ARL9: variants seen among roughly 807,000 people sequenced by gnomAD.
ARL9 encodes the protein ADP-ribosylation factor-like protein 9.
A neutral mutation model predicts 27.0 loss-of-function variants in ARL9; 14 were observed. That is an observed-to-expected ratio of 0.52 (90% CI 0.34 to 0.81). The LOEUF (loss-of-function observed/expected upper bound fraction) is 0.81, where lower values mean the gene tolerates loss of function less well. Ranked by LOEUF, ARL9 falls within the 30% of genes least tolerant of loss-of-function variation. The pLI, the probability that ARL9 is intolerant of heterozygous loss-of-function variation, is 0.01. For missense variants in ARL9, 294 were observed against 290.0 expected, an observed-to-expected ratio of 1.01 and a Z score of -0.10; for synonymous variants, 106 against 108.7, an observed-to-expected ratio of 0.98 and a Z score of 0.15.
At chr4:56,515,779 T>C (rs1428507172) in intron 2 of ARL9, among the ~76,000 whole-genome samples, 2 of 152,200 alleles carry the variant, frequency 1.3e-5, no homozygotes, top group Admixed American at 6.5e-5. Flanking sequence ...AGAGAAAATG[T>C]GTAGATGTCA....
chr4:56,523,822 C>A lies in ARL9; in HGVS notation c.744C>A (p.Ser248=). The stretch of plus-strand genomic sequence containing the variant: ...CTAAGAATGGCTCAGAGATACCCTC[C>A]ACCATGCAAGATGCCAAAGACTTGA... ...YLTKNGSEIP[S]TMQDAKDLIA... Residue 248 remains serine (S), a synonymous_variant, in exon 4 of 4, where the codon TCC becomes TCA. Coordinates refer to ENST00000640821, the MANE Select transcript of ARL9 (RefSeq NM_001363794.2). 6.2e-7 allele frequency: 1 copy of A among 1,614,012 alleles called. No homozygotes were observed. The highest frequency in any genetic ancestry group is 8.5e-7 in the Non-Finnish European group (1 of 1,179,874).
At chr4:56,517,792 G>A (rs911307882) in intron 2 of ARL9, among the ~76,000 whole-genome samples, 2 of 150,922 alleles carry the variant, frequency 1.3e-5, no homozygotes, top group Admixed American at 1.3e-4. Flanking sequence ...TTTTTTTTCT[G>A]AAGCAAATAT....
intron 1 of ARL9, among the ~76,000 whole-genome samples, chr4:56,510,354 C>CAAA (rs769085578): frequency 2.7e-5 from 2 of 75,148 alleles, no homozygotes; most frequent in Admixed American, 1.5e-4. Context: ...GACTCCAACT[C>CAAA]AAAAAAAAAA....
At chr4:56,511,938 A>G (rs1721648158) in intron 2 of ARL9, among the ~76,000 whole-genome samples, 1 of 152,220 alleles carries the variant, frequency 6.6e-6, no homozygotes, top group African/African-American at 2.4e-5. Context: ...CAAGGGAAAA[A>G]CAAAATGCTT....
intron 1 of ARL9, among the ~76,000 whole-genome samples, chr4:56,509,201 C>CTTTT (rs201536471): frequency 7.5e-6 from 1 of 133,352 alleles, no homozygotes. Context: ...TTTTCTTTTT[C>CTTTT]TTTTTTTTGT....
At position 56,517,710 on chromosome 4, in the gene ARL9, T is replaced by G. The variant is rs368318878; in HGVS notation, c.443-968T>G. On this transcript the variant is annotated intron_variant, in intron 2 of 3. Transcript: ENST00000640821. ...TAGGACAAAAATAAAATCCATTGTA[T>G]ATATGTTATTATCATTAACCAAAAA... is the stretch of plus-strand genomic sequence containing the variant. 3.9e-5 allele frequency among the ~76,000 whole-genome samples: 6 copies of G among 152,318 alleles called. No individual in the cohort carries two copies. The South Asian group carries it at 1.2e-3, about 32-fold the overall frequency.
At chr4:56,516,224 T>G (rs895377601) in intron 2 of ARL9, among the ~76,000 whole-genome samples, 2 of 152,128 alleles carry the variant, frequency 1.3e-5, no homozygotes, top group South Asian at 4.1e-4. Flanking sequence ...TACATCAATT[T>G]CCGATGGATA....
rs537875607 is a variant in ARL9 at position 56,523,897 on chromosome 4, C to A, written c.*21C>A. 6.3e-7 allele frequency: 1 copy of A among 1,594,862 alleles called. No homozygotes were observed. Among genetic ancestry groups the A allele is most frequent in the South Asian group, 1.1e-5 (1 of 88,496 alleles). ...AGTGACCAGGACTCAGCCCACTGTG[C>A]GGCTCACGACTGAGATGTCATCAGT... is the stretch of plus-strand genomic sequence containing the variant. On this transcript the variant is annotated 3_prime_UTR_variant, in exon 4 of 4. Coordinates refer to ENST00000640821, the MANE Select transcript of ARL9 (RefSeq NM_001363794.2).
chr4:56,515,017 A>C (rs1200297458), intron 2 of ARL9, among the ~76,000 whole-genome samples: 3 of 152,194 alleles, frequency 2.0e-5, no homozygotes, highest in Admixed American at 2.0e-4. Flanking sequence ...TGGGAGGCCA[A>C]GGGGGCGGAT....
At chr4:56,512,092 C>T (rs1283922389) in intron 2 of ARL9, among the ~76,000 whole-genome samples, 1 of 152,214 alleles carries the variant, frequency 6.6e-6, no homozygotes, top group Non-Finnish European at 1.5e-5. Flanking sequence ...AAGTAAAACA[C>T]TATGAATTTT....
rs571500061 is a variant in ARL9 at position 56,511,150 on chromosome 4, G to A, written c.280-35G>A. ...GACCCAGAAAAATGAGCCCCTGATA[G>A]CATGGGCTTATTGATTTATCTTTTT... On this transcript the variant is annotated intron_variant, in intron 1 of 3. Coordinates refer to ENST00000640821, the MANE Select transcript of ARL9 (RefSeq NM_001363794.2). The A allele has an allele frequency of 4.7e-5, 71 of 1,498,036 alleles. No individual in the cohort carries two copies. The African/African-American group carries it at 9.4e-4, about 20-fold the overall frequency. 92.8% of individuals were successfully genotyped at this position (1,498,036 alleles called of 1,614,324 possible).
chr4:56,512,538 CTTTTTTTTT>C (rs34744797), intron 2 of ARL9, among the ~76,000 whole-genome samples: 7 of 130,070 alleles, frequency 5.4e-5, no homozygotes, highest in African/African-American at 2.0e-4. Flanking sequence ...ATCAATCATT[CTTTTTTTTT>C]TTTTTTTTTT....
intron 3 of ARL9, among the ~76,000 whole-genome samples, chr4:56,519,244 C>A (rs1405879389): frequency 6.6e-6 from 1 of 152,138 alleles, no homozygotes; most frequent in East Asian, 1.9e-4. Context: ...GAATTTGGAA[C>A]CCTTGTGCAC....
intron 3 of ARL9, among the ~76,000 whole-genome samples, chr4:56,522,543 A>T (rs1037814933): frequency 6.6e-6 from 1 of 152,232 alleles, no homozygotes; most frequent in Non-Finnish European, 1.5e-5. Context: ...ACAAAAAGCC[A>T]ATTACAAATG....
intron 3 of ARL9, among the ~76,000 whole-genome samples, chr4:56,521,858 A>G (rs1048143536): frequency 3.9e-5 from 6 of 152,164 alleles, no homozygotes; most frequent in Admixed American, 2.6e-4. Context: ...TTTGGAAAAA[A>G]TAATTCTTTG....
intron 3 of ARL9, among the ~76,000 whole-genome samples, chr4:56,523,337 C>T (rs1721980146): frequency 6.6e-6 from 1 of 152,170 alleles, no homozygotes; most frequent in African/African-American, 2.4e-5. Context: ...TGCGGTGAGT[C>T]AAGATTGCGC....
chr4:56,517,546 C>T (rs1217171968), intron 2 of ARL9, among the ~76,000 whole-genome samples: 1 of 151,864 alleles, frequency 6.6e-6, no homozygotes, highest in Non-Finnish European at 1.5e-5. Context: ...TATAATAGTC[C>T]TGTGTTAGAA....
intron 2 of ARL9, among the ~76,000 whole-genome samples, chr4:56,512,260 T>A (rs1721655839): frequency 6.6e-6 from 1 of 152,212 alleles, no homozygotes; most frequent in Non-Finnish European, 1.5e-5. Context: ...CACATACTTT[T>A]AAGTACATCA....
chr4:56,510,429 C>CA (rs1016402032), intron 1 of ARL9, among the ~76,000 whole-genome samples: 15 of 151,034 alleles, frequency 9.9e-5, no homozygotes, highest in African/African-American at 3.7e-4. Context: ...ATTATGAAGA[C>CA]AGGAGAAATT....
Sources: gnomAD v4.1 joint callset for allele counts (sites outside exome capture counted in the v4.1 genomes callset) on GRCh38, gnomAD v4.1.1 for gene constraint, MANE v1.5 for transcripts, NCBI Gene and HGNC (gene_info 2026-07-23, HGNC 2026-07-21) for gene names.